ATP9B: variants seen among roughly 807,000 people sequenced by gnomAD.
ATP9B encodes probable phospholipid-transporting ATPase IIB.
ATP9B carries 110 observed loss-of-function variants against 146.1 expected under a neutral mutation model. The ratio of observed to expected loss-of-function variants is 0.75; its 90% CI spans 0.65 to 0.88. The LOEUF is 0.88. ATP9B is among the 40% of genes least tolerant of loss of function. The pLI is 0.00. For missense variants in ATP9B, 1,499 were observed against 1,496.4 expected (o/e 1.00, Z -0.03); for synonymous variants, 604 against 569.7 (o/e 1.06, Z -0.86).
chr18:79,334,390 T>G (rs1215700440), intron 17 of ATP9B, among the ~76,000 whole-genome samples: 1 of 123,840 alleles, frequency 8.1e-6, no homozygotes, highest in African/African-American at 3.1e-5. Context: ...ACTGCTAGAT[T>G]CAAAAATTGA....
At chr18:79,071,649 C>T (rs1297362697) in intron 1 of ATP9B, among the ~76,000 whole-genome samples, 4 of 151,856 alleles carry the variant, frequency 2.6e-5, no homozygotes, top group Admixed American at 6.6e-5. Context: ...AGGATTAAGG[C>T]GTGAGCCATG....
At chr18:79,264,678 T>TG (rs1417931041) in intron 12 of ATP9B, among the ~76,000 whole-genome samples, 67 of 152,012 alleles carry the variant, frequency 4.4e-4, no homozygotes, top group African/African-American at 1.6e-3. Context: ...TTTTGTTTTT[T>TG]TTTTTGATAT....
intron 11 of ATP9B, among the ~76,000 whole-genome samples, chr18:79,217,489 T>C (rs1334024096): frequency 3.9e-5 from 6 of 152,380 alleles, no homozygotes; most frequent in African/African-American, 1.2e-4. Context: ...CCGCCAGATT[T>C]GGTATTTAAA....
intron 15 of ATP9B, among the ~76,000 whole-genome samples, chr18:79,323,911 T>G (rs2096730058): frequency 6.6e-6 from 1 of 152,196 alleles, no homozygotes; most frequent in Non-Finnish European, 1.5e-5. Flanking sequence ...CGAATTTACA[T>G]TCCCGACAAC....
intron 6 of ATP9B, 31 bp downstream of exon 6, chr18:79,143,891 A>G (rs1175249047): frequency 8.7e-6 from 12 of 1,381,806 alleles, no homozygotes; most frequent in African/African-American, 1.5e-5. Context: ...TTTTAGACCT[A>G]TGTATGCTAG....
rs374759970 is a variant in ATP9B, at chr18:79,331,893, T to C, written c.2028+1789T>C. On this transcript the variant is annotated intron_variant, in intron 17 of 29. Coordinates refer to ENST00000426216, the MANE Select transcript of ATP9B (RefSeq NM_198531.5). Reference sequence around the variant, plus strand: ...CAAACCTGAGTTGGGCCCTGGACATTGTATTGTAAAGGAAACAAGTACAGG... The same window carrying C: ...CAAACCTGAGTTGGGCCCTGGACATCGTATTGTAAAGGAAACAAGTACAGG... Among the ~76,000 whole-genome samples, 8 of 152,262 alleles carry C rather than the reference T, an allele frequency of 5.3e-5. No homozygotes were observed. In the South Asian group the frequency reaches 1.7e-3, roughly 32 times the overall value.
At chr18:79,256,286 T>TATATATATACACAC (rs398033647) in intron 12 of ATP9B, among the ~76,000 whole-genome samples, 1 of 123,072 alleles carries the variant, frequency 8.1e-6, no homozygotes, top group Admixed American at 8.1e-5. Context: ...TATATATATA[T>TATATATATACACAC]ACATACATAG....
intron 15 of ATP9B, among the ~76,000 whole-genome samples, chr18:79,327,761 T>TCGCCGTGGTTAGCGTG (rs2096763862): frequency 7.5e-6 from 1 of 133,236 alleles, no homozygotes. Flanking sequence ...GTTAGCGTGC[T>TCGCCGTGGTTAGCGTG]CTCTGTGGTT....
intron 28 of ATP9B, 194 bp downstream of exon 28, chr18:79,374,295 C>T: frequency 1.7e-6 from 1 of 595,652 alleles, no homozygotes. Context: ...TGGCCGGTCC[C>T]CTGACAGGAG....
At chr18:79,282,709 A>G (rs1435237145) in intron 13 of ATP9B, among the ~76,000 whole-genome samples, 1 of 152,192 alleles carries the variant, frequency 6.6e-6, no homozygotes, top group Admixed American at 6.5e-5. Flanking sequence ...TTTATTGCCC[A>G]GGTCTGGAAC....
At chr18:79,196,606 A>G (rs1033185418) in intron 9 of ATP9B, among the ~76,000 whole-genome samples, 6 of 152,216 alleles carry the variant, frequency 3.9e-5, no homozygotes, top group African/African-American at 1.2e-4. Context: ...CAGTGGCAAA[A>G]TGGTAGTGAC....
intron 7 of ATP9B, among the ~76,000 whole-genome samples, chr18:79,176,489 T>C (rs1381863718): frequency 4.6e-5 from 7 of 152,210 alleles, no homozygotes; most frequent in Admixed American, 4.6e-4. Context: ...TATCAAAACA[T>C]ACATTGAAAG....
chr18:79,329,428 TTG>T, intron 16 of ATP9B, 126 bp downstream of exon 16: 3 of 1,155,470 alleles, frequency 2.6e-6, no homozygotes, highest in East Asian at 2.7e-5. Context: ...ACAGTTTTGT[TTG>T]TTTTTTTTTT....
intron 17 of ATP9B, among the ~76,000 whole-genome samples, chr18:79,332,258 T>C (rs967269719): frequency 6.6e-6 from 1 of 150,982 alleles, no homozygotes; most frequent in Non-Finnish European, 1.5e-5. Context: ...TGAAACCCCA[T>C]CTCTACTAAA....
chr18:79,073,455 C>T (rs959666272), intron 1 of ATP9B, among the ~76,000 whole-genome samples: 4 of 152,208 alleles, frequency 2.6e-5, no homozygotes, highest in East Asian at 1.9e-4. Context: ...GGAGAAACCC[C>T]GTCTCCACCA....
chr18:79,293,620 T>A (rs1459556112), intron 13 of ATP9B, among the ~76,000 whole-genome samples: 1 of 152,156 alleles, frequency 6.6e-6, no homozygotes, highest in East Asian at 1.9e-4. Flanking sequence ...CTTTCCAGCC[T>A]CCAGAACTGT....
At position 79,377,874 on chromosome 18, in the gene ATP9B, CT is replaced by C. The variant is rs1185476073; in HGVS notation, c.*493del. On this transcript the variant is annotated 3_prime_UTR_variant, in exon 30 of 30. Coordinates refer to ENST00000426216, the MANE Select transcript of ATP9B (RefSeq NM_198531.5). ...CAGGGCACAGATGCTGCGATGGCCT[CT>C]TCCTCTTAAGTGTGGGGCCTCACCC... 6.3e-6 allele frequency: 1 copy of C among 158,980 alleles called. No individual in the cohort carries two copies. The highest frequency in any genetic ancestry group is 1.4e-5 in the Non-Finnish European group (1 of 71,892). The allele number at this position is 158,980 out of a possible 1,614,324, so 9.8% of individuals were successfully genotyped here.
At chr18:79,315,568 CG>C (rs1208649605) in intron 15 of ATP9B, among the ~76,000 whole-genome samples, 2 of 152,112 alleles carry the variant, frequency 1.3e-5, no homozygotes, top group Admixed American at 1.3e-4. Flanking sequence ...TACAGTGTAG[CG>C]GGTAGCTGCC....
chr18:79,083,941 C>T (rs1036080827), intron 1 of ATP9B, among the ~76,000 whole-genome samples: 6 of 150,992 alleles, frequency 4.0e-5, no homozygotes, highest in Non-Finnish European at 7.4e-5. Context: ...TGGCTCACTG[C>T]AGCCTCTCCT....
Sources: allele counts gnomAD v4.1 joint callset (sites outside exome capture counted in the v4.1 genomes callset), GRCh38; gene constraint gnomAD v4.1.1; transcripts MANE v1.5; gene names NCBI Gene and HGNC (gene_info 2026-07-23, HGNC 2026-07-21).